The following BEGAIN variants were observed in gnomAD, a reference collection of about 807,000 sequenced individuals.
BEGAIN encodes the protein brain enriched guanylate kinase associated.
Under a neutral mutation model 35.8 loss-of-function variants are expected in BEGAIN, and 19 were observed. That is an observed-to-expected ratio of 0.53 (90% CI 0.37 to 0.78). The LOEUF is 0.78. Among genes scored for constraint, BEGAIN ranks in the 30% least tolerant of loss-of-function variants. The pLI is 0.00. For missense variants in BEGAIN, 795 were observed against 853.6 expected (o/e 0.93, Z 0.85); for synonymous variants, 462 against 388.6 (o/e 1.19, Z -2.22).
chr14:100,563,895 T>C lies in BEGAIN; in HGVS notation c.71+4016A>G, dbSNP rs555560632. 1.6e-4 allele frequency among the ~76,000 whole-genome samples: 25 copies of C among 152,190 alleles called. No individual in the cohort carries two copies. The highest frequency in any genetic ancestry group is 2.6e-4 in the Admixed American group (4 of 15,298). ...GGGACCCTCACAAACAGAATAGTTT[T>C]GGTGAAAAAAAGCCACCCCCAAAAC... On this transcript the variant is annotated intron_variant, in intron 2 of 6. Transcript: ENST00000554140. This position sits in a 1 kb window ranked among gnomAD's most constrained non-coding sequence, Gnocchi z 4.2.
chr14:100,560,592 A>AC (rs1441397326), intron 2 of BEGAIN, among the ~76,000 whole-genome samples: 2 of 151,776 alleles, frequency 1.3e-5, no homozygotes, highest in East Asian at 1.9e-4. Flanking sequence ...CTCCAGCCAG[A>AC]CCCCCAGGAC....
rs1595149655 is a variant in BEGAIN, at chr14:100,573,955, T to G, written c.43-6016A>C. ...AGACTGGGAAAGGGTGGGTGGGAGG[T>G]GGGAGGAGAGTCTGCATTAAGGGTG... On this transcript the variant is annotated intron_variant, in intron 1 of 6. Transcript: ENST00000554140. This position sits in a 1 kb window ranked among gnomAD's most constrained non-coding sequence, Gnocchi z 4.2. 1.3e-5 allele frequency among the ~76,000 whole-genome samples: 2 copies of G among 148,954 alleles called. No individual in the cohort carries two copies. Among genetic ancestry groups the G allele is most frequent in the South Asian group, 2.2e-4 (1 of 4,634 alleles).
intron 2 of BEGAIN, among the ~76,000 whole-genome samples, chr14:100,551,716 A>C (rs2033217953): frequency 6.6e-6 from 1 of 152,004 alleles, no homozygotes. Flanking sequence ...CCCACCCCAA[A>C]AGTCACCATT....
chr14:100,566,802 CA>C (rs1396203324), intron 2 of BEGAIN, among the ~76,000 whole-genome samples: 1 of 152,222 alleles, frequency 6.6e-6, no homozygotes, highest in Middle Eastern at 3.2e-3. Context: ...GTGGGACCCA[CA>C]GTGGGGGCTG....
chr14:100,550,931 G>A (rs1049094084), intron 2 of BEGAIN, among the ~76,000 whole-genome samples: 1 of 152,186 alleles, frequency 6.6e-6, no homozygotes, highest in South Asian at 2.1e-4. Context: ...CAGGACACAG[G>A]TGGGGTCTGG....
intron 1 of BEGAIN, among the ~76,000 whole-genome samples, chr14:100,570,249 G>A (rs570123190): frequency 6.6e-6 from 1 of 152,366 alleles, no homozygotes; most frequent in Admixed American, 6.5e-5. Context: ...TAAAAGGCCT[G>A]GATGGGAATT....
intron 5 of BEGAIN, among the ~76,000 whole-genome samples, chr14:100,540,806 C>A (rs1041094656): frequency 1.3e-5 from 2 of 152,208 alleles, no homozygotes; most frequent in African/African-American, 4.8e-5. Flanking sequence ...AGGGCCCTGC[C>A]GCTGCCCTAG....
Position 100,538,660 on chromosome 14 carries a change from A to G in BEGAIN, c.1148T>C (p.Val383Ala), listed in dbSNP as rs1171501044. Residue 383 changes from valine to alanine, a missense_variant, in exon 7 of 7, where the codon GTG (valine) becomes GCG (alanine). Around this residue, in one of 3 missense-constraint regions of BEGAIN, gnomAD observed 664 missense variants for 647.7 expected, o/e 1.03. Coordinates refer to ENST00000554140, the MANE Select transcript of BEGAIN (RefSeq NM_001385089.1). The stretch of plus-strand genomic sequence containing the variant: ...CATGGTCCGCCCGAAGCCTGGGGCC[A>G]CTTCGGCCTCCAGCGGGGCCGCCAC... ...AAVAAPLEAE[V>A]APGFGRTMSP... The G allele has an allele frequency of 6.4e-7, 1 of 1,550,542 alleles. No individual in the cohort carries two copies. Among genetic ancestry groups the G allele is most frequent in the East Asian group, 2.4e-5 (1 of 41,082 alleles).
intron 1 of BEGAIN, among the ~76,000 whole-genome samples, chr14:100,572,923 G>C (rs575846711): frequency 2.0e-5 from 3 of 152,168 alleles, no homozygotes; most frequent in African/African-American, 4.8e-5. Flanking sequence ...GGGGGATTCA[G>C]CACTGGTCAG....
chr14:100,554,009 T>C (rs1256231815), intron 2 of BEGAIN, among the ~76,000 whole-genome samples: 1 of 152,228 alleles, frequency 6.6e-6, no homozygotes, highest in Non-Finnish European at 1.5e-5. Flanking sequence ...GCCTCTGTCA[T>C]CCTGCTGTCC....
At position 100,568,607 on chromosome 14, in the gene BEGAIN, C is replaced by A; in HGVS notation, c.43-668G>T. ...GGCTCCCTGCCTTGCTTGCGCAGAC[C>A]CGCCCGCGCGCGGCTTGGAGACCCT... On this transcript the variant is annotated intron_variant, in intron 1 of 6. Transcript: ENST00000554140. The surrounding 1 kb of genome is among the most constrained non-coding windows in gnomAD (Gnocchi z 7.5). 9.7e-7 allele frequency: 1 copy of A among 1,032,284 alleles called. No homozygotes were observed. The allele number at this position is 1,032,284 out of a possible 1,614,324, so 63.9% of individuals were successfully genotyped here.
In BEGAIN at chr14:100,586,356, G is replaced by A. The variant is rs952600953; in HGVS notation, c.42+893C>T. 1.3e-5 allele frequency among the ~76,000 whole-genome samples: 2 copies of A among 152,152 alleles called. No individual in the cohort carries two copies. The highest frequency in any genetic ancestry group is 4.8e-5 in the African/African-American group (2 of 41,450). On this transcript the variant is annotated intron_variant, in intron 1 of 6. Transcript: ENST00000554140. This position sits in a 1 kb window ranked among gnomAD's most constrained non-coding sequence, Gnocchi z 4.9. ...GGACCCCCAGTCTGCACTGGCGGCC[G>A]ACCTTGGCCATGCGGACTTTGCACG...
chr14:100,553,646 C>T (rs2033421460), intron 2 of BEGAIN, among the ~76,000 whole-genome samples: 1 of 152,182 alleles, frequency 6.6e-6, no homozygotes, highest in Admixed American at 6.5e-5. Context: ...CAGGTCCTCT[C>T]CTCTGTTGTG....
In BEGAIN at chr14:100,568,307, T is replaced by TCCCCCC; in HGVS notation, c.43-374_43-369dup. The TCCCCCC allele has an allele frequency of 2.8e-6, 2 of 707,820 alleles. No individual in the cohort carries two copies. The highest frequency in any genetic ancestry group is 2.0e-6 in the Non-Finnish European group (1 of 491,760). 43.8% of individuals were successfully genotyped at this position (707,820 alleles called of 1,614,324 possible). On this transcript the variant is annotated intron_variant, in intron 1 of 6. Transcript: ENST00000554140. This position sits in a 1 kb window ranked among gnomAD's most constrained non-coding sequence, Gnocchi z 7.5. ...TCTCCGGCGGCCGCGGCCCCGCTGC[T>TCCCCCC]CCCCCCGCCCCGCCCGTTAACCCTT...
At position 100,567,488 on chromosome 14, in the gene BEGAIN, G is replaced by A. The variant is rs1293802124; in HGVS notation, c.71+423C>T. Among the ~76,000 whole-genome samples the A allele has an allele frequency of 6.6e-6, 1 of 152,036 alleles. No individual in the cohort carries two copies. The highest frequency in any genetic ancestry group is 2.4e-5 in the African/African-American group (1 of 41,422). On this transcript the variant is annotated intron_variant, in intron 2 of 6. Coordinates refer to ENST00000554140, the MANE Select transcript of BEGAIN (RefSeq NM_001385089.1). This position sits in a 1 kb window ranked among gnomAD's most constrained non-coding sequence, Gnocchi z 5.1. ...CAACTGGCAGCCCGGGGGCTGGGGC[G>A]GGTGGTGGTTGGGGGTGGGGTGGGG...
Position 100,538,629 on chromosome 14 carries a change from C to G in BEGAIN, c.1179G>C (p.Pro393=). 1 of 1,549,452 alleles carries G rather than the reference C, an allele frequency of 6.5e-7. No homozygotes were observed. Among genetic ancestry groups the G allele is most frequent in the Non-Finnish European group, 8.7e-7 (1 of 1,146,274 alleles). ...GGAAGCGGAAGGTCTCGGCCGGGTA[C>G]GGTGACATGGTCCGCCCGAAGCCTG... ...VAPGFGRTMS[P]YPAETFRFPA... Residue 393 remains proline (P), a synonymous_variant, in exon 7 of 7, where the codon CCG becomes CCC. Transcript: ENST00000554140.
chr14:100,580,855 A>G (rs1028180097), intron 1 of BEGAIN, among the ~76,000 whole-genome samples: 13 of 152,004 alleles, frequency 8.6e-5, no homozygotes, highest in African/African-American at 2.9e-4. Flanking sequence ...TCAGTTCACA[A>G]ACATCCCCAG....
rs1339263489 is a variant in BEGAIN, at chr14:100,567,732, C to T, written c.71+179G>A. ...CGGAGGAGCCCCGCGCGAGGCTCCC[C>T]AGCGCCTCGCGGCGCGCACACACGC... On this transcript the variant is annotated intron_variant, in intron 2 of 6. Coordinates refer to ENST00000554140, the MANE Select transcript of BEGAIN (RefSeq NM_001385089.1). This position sits in a 1 kb window ranked among gnomAD's most constrained non-coding sequence, Gnocchi z 5.1. Among the ~76,000 whole-genome samples the T allele has an allele frequency of 2.0e-5, 3 of 150,996 alleles. No individual in the cohort carries two copies. The highest frequency in any genetic ancestry group is 4.4e-5 in the Non-Finnish European group (3 of 67,618).
At chr14:100,559,957 C>G (rs1275666820) in intron 2 of BEGAIN, among the ~76,000 whole-genome samples, 5 of 152,254 alleles carry the variant, frequency 3.3e-5, no homozygotes, top group African/African-American at 1.2e-4. Context: ...TCTGCCCTCC[C>G]TCCCAAAGCC....
Sources: allele counts gnomAD v4.1 joint callset (sites outside exome capture counted in the v4.1 genomes callset), GRCh38; gene constraint gnomAD v4.1.1; regional missense constraint gnomAD v4.1.1; non-coding constraint Gnocchi (gnomAD v3.1); transcripts MANE v1.5; gene names NCBI Gene and HGNC (gene_info 2026-07-23, HGNC 2026-07-21).